NXNL2: variants seen among roughly 807,000 people sequenced by gnomAD.
NXNL2 encodes the protein nucleoredoxin like 2.
NXNL2 carries 7 observed loss-of-function variants against 11.1 expected under a neutral mutation model. The observed-to-expected ratio is 0.63, with a 90% CI of 0.36 to 1.18. The LOEUF (loss-of-function observed/expected upper bound fraction) is 1.18. NXNL2 is among the 50% of genes most tolerant of loss of function. The pLI is 0.02. For synonymous variants in NXNL2, 109 were observed against 101.8 expected (o/e 1.07, Z -0.42); for missense variants, 233 against 217.7 (o/e 1.07, Z -0.44).
At chr9:88,572,099 G>GA (rs1830275021) in intron 2 of NXNL2, among the ~76,000 whole-genome samples, 1 of 152,168 alleles carries the variant, frequency 6.6e-6, no homozygotes, top group Non-Finnish European at 1.5e-5. Context: ...CCTCCAGACA[G>GA]AATGCATCTG....
chr9:88,580,695 C>T (rs145220490), downstream of NXNL2, among the ~76,000 whole-genome samples: 68 of 152,342 alleles, frequency 4.5e-4, no homozygotes, highest in African/African-American at 1.6e-3. Flanking sequence ...ATCCCAGGGA[C>T]TTAGCATTGA....
downstream of NXNL2, among the ~76,000 whole-genome samples, chr9:88,546,837 G>A (rs1029954520): frequency 6.6e-6 from 1 of 152,182 alleles, no homozygotes; most frequent in African/African-American, 2.4e-5. Flanking sequence ...TGTGCCCCTT[G>A]TGTTCCAGAA....
downstream of NXNL2, among the ~76,000 whole-genome samples, chr9:88,578,388 T>G (rs1830370911): frequency 6.6e-6 from 1 of 152,212 alleles, no homozygotes; most frequent in Admixed American, 6.5e-5. Flanking sequence ...TGGACAAATG[T>G]GTGAATTTGG....
chr9:88,566,378 T>G (rs1208934769), intron 1 of NXNL2, among the ~76,000 whole-genome samples: 1 of 151,938 alleles, frequency 6.6e-6, no homozygotes, highest in Non-Finnish European at 1.5e-5. Context: ...CATGACAACA[T>G]GACAACCTCT....
rs72757730 is a variant in NXNL2, at chr9:88,542,873, A to G, written c.303-1506A>G. On this transcript the variant is annotated intron_variant, in intron 1 of 1. Transcript: ENST00000375854. ...GACGTGTCAAAGGGGAGATTTGCTA[A>G]TAGGAGGGTCTCAAATGGGTTTTTC... 7.8e-3 allele frequency among the ~76,000 whole-genome samples: 1,188 copies of G among 152,230 alleles called. 3 individuals carry two copies. The highest frequency in any genetic ancestry group is 0.013 in the Non-Finnish European group (860 of 68,020).
intron 1 of NXNL2, among the ~76,000 whole-genome samples, chr9:88,540,689 C>T (rs1341546270): frequency 6.9e-6 from 1 of 143,930 alleles, no homozygotes; most frequent in Non-Finnish European, 1.5e-5. Context: ...TCCTTTCCCT[C>T]CCCAGGTGAG....
intron 1 of NXNL2, among the ~76,000 whole-genome samples, chr9:88,541,658 C>T (rs887917529): frequency 6.6e-6 from 1 of 152,122 alleles, no homozygotes; most frequent in Non-Finnish European, 1.5e-5. Flanking sequence ...TTTCCTATGT[C>T]AGTAATTTTT....
chr9:88,578,677 T>C (rs1830376313), downstream of NXNL2, among the ~76,000 whole-genome samples: 3 of 152,216 alleles, frequency 2.0e-5, no homozygotes, highest in Non-Finnish European at 4.4e-5. Context: ...CGTGGTCATC[T>C]GCTAGGCAGC....
intron 1 of NXNL2, among the ~76,000 whole-genome samples, chr9:88,558,366 C>A (rs900916633): frequency 6.6e-6 from 1 of 152,162 alleles, no homozygotes; most frequent in Non-Finnish European, 1.5e-5. Flanking sequence ...AAGCTCCATA[C>A]CCCTTCTCTC....
chr9:88,538,840 A>G (rs1829687082), intron 1 of NXNL2, among the ~76,000 whole-genome samples: 1 of 152,182 alleles, frequency 6.6e-6, no homozygotes, highest in Non-Finnish European at 1.5e-5. Flanking sequence ...TTTAATCCTC[A>G]CAACAACTCC....
rs1829825075 is a variant in NXNL2, at chr9:88,544,713, T to TA, written c.*167dup. On this transcript the variant is annotated 3_prime_UTR_variant, in exon 2 of 2. Coordinates refer to ENST00000375854, the MANE Select transcript of NXNL2 (RefSeq NM_001161625.2). ...AAAGCAACTATTGCTCAGGAAATAA[T>TA]ACACTCCATATTTTGATCATGCAGG... is the stretch of plus-strand genomic sequence containing the variant. The TA allele has an allele frequency of 7.1e-7, 1 of 1,399,722 alleles. No homozygotes were observed. The highest frequency in any genetic ancestry group is 9.3e-7 in the Non-Finnish European group (1 of 1,080,858). The allele number at this position is 1,399,722 out of a possible 1,614,324, so 86.7% of individuals were successfully genotyped here. A position where few individuals can be genotyped will look rare whatever the true frequency, so the allele number is the denominator to read the frequency against.
At chr9:88,565,506 A>T (rs962758085) in intron 1 of NXNL2, among the ~76,000 whole-genome samples, 1 of 152,158 alleles carries the variant, frequency 6.6e-6, no homozygotes, top group East Asian at 1.9e-4. Context: ...CAATTATTCC[A>T]CATCCTCTCT....
At chr9:88,546,770 G>A (rs577610387), downstream of NXNL2, among the ~76,000 whole-genome samples, 1 of 152,262 alleles carries the variant, frequency 6.6e-6, no homozygotes, top group South Asian at 2.1e-4. Context: ...GTAAGGCAAA[G>A]TATTCCAGCC....
chr9:88,542,705 T>A (rs560015058), intron 1 of NXNL2, among the ~76,000 whole-genome samples: 222 of 152,280 alleles, frequency 1.5e-3, no homozygotes, highest in African/African-American at 5.1e-3. Flanking sequence ...GAGAACATGA[T>A]TGATTTTGTC....
chr9:88,580,749 C>A (rs1830400583), downstream of NXNL2, among the ~76,000 whole-genome samples: 1 of 152,220 alleles, frequency 6.6e-6, no homozygotes, highest in Admixed American at 6.5e-5. Context: ...CAGATTTCAT[C>A]CATGGCCCCA....
intron 1 of NXNL2, among the ~76,000 whole-genome samples, chr9:88,564,812 T>G (rs2118509833): frequency 6.6e-6 from 1 of 152,362 alleles, no homozygotes; most frequent in African/African-American, 2.4e-5. Flanking sequence ...TATTATACAT[T>G]TACTAATATT....
chr9:88,563,998 G>A (rs1265810798), intron 1 of NXNL2, among the ~76,000 whole-genome samples: 1 of 151,850 alleles, frequency 6.6e-6, no homozygotes, highest in Non-Finnish European at 1.5e-5. Context: ...ATCACTTAAG[G>A]TCAGGAGTTT....
chr9:88,549,121 A>G (rs538249769), downstream of NXNL2, among the ~76,000 whole-genome samples: 2 of 152,340 alleles, frequency 1.3e-5, no homozygotes, highest in South Asian at 4.1e-4. Context: ...AGCGCCTATA[A>G]GTAGTCTAAC....
chr9:88,574,072 A>G (rs1358218664), intron 2 of NXNL2, among the ~76,000 whole-genome samples: 1 of 152,208 alleles, frequency 6.6e-6, no homozygotes, highest in Non-Finnish European at 1.5e-5. Context: ...TGGTTTCTTT[A>G]AAAAGTTAAA....
Sources: gnomAD v4.1 joint callset for allele counts (sites outside exome capture counted in the v4.1 genomes callset) on GRCh38, gnomAD v4.1.1 for gene constraint, MANE v1.5 for transcripts, NCBI Gene and HGNC (gene_info 2026-07-23, HGNC 2026-07-21) for gene names.